The following ZNF469 variants were observed in gnomAD, a reference collection of about 807,000 sequenced individuals.
The protein encoded by ZNF469 is zinc finger protein 469.
ZNF469 carries 1 observed loss-of-function variant against 1.0 expected under a neutral mutation model. That is an observed-to-expected ratio of 1.00 (90% CI 0.35 to 4.73). ZNF469 has a LOEUF of 4.73. ZNF469 is among the 30% of genes most tolerant of loss of function. The pLI is 0.16. For synonymous variants in ZNF469, 2,703 were observed against 2,363.4 expected (o/e 1.14, Z -4.17); for missense variants, 6,100 against 5,356.3 (o/e 1.14, Z -4.33).
intron 1 of ZNF469, among the ~76,000 whole-genome samples, chr16:88,386,071 C>T (rs995848743): frequency 6.6e-6 from 1 of 152,152 alleles, no homozygotes; most frequent in Non-Finnish European, 1.5e-5. Context: ...ACAAGCGGCC[C>T]GGTCCCGTGG....
chr16:88,135,361 T>C, the ZNF469 span, among the ~76,000 whole-genome samples: 8 of 152,198 alleles, frequency 5.3e-5, no homozygotes, highest in Non-Finnish European at 7.3e-5. Context: ...AGTCATCTGT[T>C]GGGGAGAATT....
At chr16:88,169,597 C>A in the ZNF469 span, among the ~76,000 whole-genome samples, 1 of 152,200 alleles carries the variant, frequency 6.6e-6, no homozygotes, top group African/African-American at 2.4e-5. The surrounding 1 kb of genome is among the most constrained non-coding windows in gnomAD (Gnocchi z 6.1). Context: ...TGCGGTGGTC[C>A]ATCCACCTGC....
Position 88,434,180 on chromosome 16 carries a change from C to T in ZNF469, c.6710C>T (p.Thr2237Ile). 1.3e-6 allele frequency: 2 copies of T among 1,550,360 alleles called. No individual in the cohort carries two copies. The highest frequency in any genetic ancestry group is 1.7e-6 in the Non-Finnish European group (2 of 1,146,960). ...SWPPGSVSAV[T>I]CTHSGDTPKD... ...CCTCCTGGCTCCGTCAGTGCTGTAA[C>T]CTGCACTCACAGTGGGGACACCCCC... The change falls in exon 3 of 3, where the codon ACC becomes ATC. Residue 2237 changes from threonine to isoleucine, a missense_variant. Coordinates refer to ENST00000565624, the MANE Select transcript of ZNF469 (RefSeq NM_001367624.2).
At chr16:88,394,724 T>G (rs569923885) in intron 1 of ZNF469, among the ~76,000 whole-genome samples, 5 of 151,998 alleles carry the variant, frequency 3.3e-5, no homozygotes, top group African/African-American at 1.2e-4. Context: ...GTTCAGAGAG[T>G]GAAAGGTGCA....
rs184374078 is a variant in ZNF469, at chr16:88,432,810, C to G, written c.5340C>G (p.Pro1780=). 2,457 of 1,550,356 alleles carry G rather than the reference C, an allele frequency of 1.6e-3. 2 individuals carry two copies. The highest frequency in any genetic ancestry group is 1.7e-3 in the Non-Finnish European group (1,999 of 1,146,988). ...CEQRGGFLPE[P]GTADQPHRGA... is the part of the protein sequence containing the mutation. ...AGAGAGGAGGGTTCCTCCCAGAGCC[C>G]GGCACAGCAGACCAGCCCCACCGAG... Residue 1780 remains proline (P), a synonymous_variant, in exon 3 of 3, where the codon CCC becomes CCG. Coordinates refer to ENST00000565624, the MANE Select transcript of ZNF469 (RefSeq NM_001367624.2).
the ZNF469 span, among the ~76,000 whole-genome samples, chr16:88,162,808 T>C: frequency 6.6e-6 from 1 of 152,236 alleles, no homozygotes; most frequent in African/African-American, 2.4e-5. Flanking sequence ...ACAAGTGATA[T>C]CTTAATTATT....
chr16:88,169,891 C>A, the ZNF469 span, among the ~76,000 whole-genome samples: 1 of 152,230 alleles, frequency 6.6e-6, no homozygotes, highest in African/African-American at 2.4e-5. The surrounding 1 kb of genome is among the most constrained non-coding windows in gnomAD (Gnocchi z 6.1). Context: ...GTCGGCCCTG[C>A]CAGTGGGGTG....
the ZNF469 span, among the ~76,000 whole-genome samples, chr16:88,194,065 T>G: frequency 6.6e-6 from 1 of 152,186 alleles, no homozygotes; most frequent in African/African-American, 2.4e-5. Context: ...AGAGTGTGGC[T>G]TGGTGCAATC....
chr16:88,304,964 G>C, the ZNF469 span, among the ~76,000 whole-genome samples: 1 of 152,096 alleles, frequency 6.6e-6, no homozygotes, highest in Non-Finnish European at 1.5e-5. Flanking sequence ...CCACACCCAA[G>C]TTCCATCTGG....
chr16:88,398,995 C>T (rs1904780441), intron 1 of ZNF469, among the ~76,000 whole-genome samples: 1 of 152,260 alleles, frequency 6.6e-6, no homozygotes, highest in African/African-American at 2.4e-5. Flanking sequence ...TAAGAAAACA[C>T]AGCATAGAGA....
At chr16:88,324,374 G>T in the ZNF469 span, among the ~76,000 whole-genome samples, 1 of 152,376 alleles carries the variant, frequency 6.6e-6, no homozygotes, top group East Asian at 1.9e-4. Flanking sequence ...GGGCTGTTGT[G>T]TCACAGCTGT....
At chr16:88,114,611 G>A in the ZNF469 span, among the ~76,000 whole-genome samples, 3 of 152,236 alleles carry the variant, frequency 2.0e-5, no homozygotes, top group Non-Finnish European at 4.4e-5. Flanking sequence ...TTCTGGTACT[G>A]CATTCTCCTC....
chr16:88,319,693 C>T, the ZNF469 span, among the ~76,000 whole-genome samples: 1 of 152,284 alleles, frequency 6.6e-6, no homozygotes, highest in African/African-American at 2.4e-5. Context: ...CGTGCAAACT[C>T]GACGCCTTGG....
the ZNF469 span, among the ~76,000 whole-genome samples, chr16:88,208,492 G>A: frequency 2.8e-5 from 3 of 107,148 alleles, no homozygotes; most frequent in East Asian, 1.1e-3. Context: ...GAGGGAGGGA[G>A]AGAAAGGGAG....
chr16:88,420,265 C>T (rs774729701), intron 1 of ZNF469, among the ~76,000 whole-genome samples: 11 of 152,328 alleles, frequency 7.2e-5, no homozygotes, highest in Non-Finnish European at 1.5e-4. Context: ...CCAGCCCTGA[C>T]GACAGCAGAA....
At chr16:88,115,550 C>T in the ZNF469 span, among the ~76,000 whole-genome samples, 1 of 151,876 alleles carries the variant, frequency 6.6e-6, no homozygotes, top group African/African-American at 2.4e-5. Context: ...TATGCACCGT[C>T]CAGGACGGTG....
chr16:88,114,178 G>GTT, the ZNF469 span, among the ~76,000 whole-genome samples: 3 of 146,334 alleles, frequency 2.1e-5, no homozygotes, highest in Non-Finnish European at 3.0e-5. Flanking sequence ...GGGGTCTCGG[G>GTT]GGAGAATGAC....
At chr16:88,324,369 G>A in the ZNF469 span, among the ~76,000 whole-genome samples, 4 of 152,246 alleles carry the variant, frequency 2.6e-5, no homozygotes, top group African/African-American at 9.6e-5. Flanking sequence ...GTGGGGGGCT[G>A]TTGTGTCACA....
At position 88,427,960 on chromosome 16, in the gene ZNF469, C is replaced by T. The variant is rs1905806834; in HGVS notation, c.490C>T (p.Pro164Ser). 1 of 1,549,960 alleles carries T rather than the reference C, an allele frequency of 6.5e-7. No homozygotes were observed. Among genetic ancestry groups the T allele is most frequent in the Non-Finnish European group, 8.7e-7 (1 of 1,146,872 alleles). The change falls in exon 3 of 3, where the codon CCG (proline) becomes TCG (serine). Residue 164 changes from proline to serine, a missense_variant. By Grantham distance (74) the Pro-to-Ser change is moderately conservative. Transcript: ENST00000565624. ...QGPGTGAPLR[P>S]GLPRTEAQPA... ...CCCTGGGACTGGAGCTCCACTCAGG[C>T]CGGGCCTCCCAAGGACTGAGGCCCA...
Sources: gnomAD v4.1 joint callset for allele counts (sites outside exome capture counted in the v4.1 genomes callset) on GRCh38, gnomAD v4.1.1 for gene constraint, Gnocchi (gnomAD v3.1) non-coding constraint, MANE v1.5 for transcripts, NCBI Gene and HGNC (gene_info 2026-07-23, HGNC 2026-07-21) for gene names.